The following SLC19A2 variants were observed in gnomAD, a reference collection of about 807,000 sequenced individuals.
SLC19A2 encodes solute carrier family 19 member 2, also known as thiamine transporter 1.
In SLC19A2, 27 loss-of-function variants were observed where a neutral mutation model predicts 44.7. The observed-to-expected ratio is 0.60, with a 90% confidence interval of 0.45 to 0.83. The LOEUF (loss-of-function observed/expected upper bound fraction) is 0.83, where lower values mean the gene tolerates loss of function less well. Ranked by LOEUF, SLC19A2 falls within the 40% of genes least tolerant of loss-of-function variation. The pLI is 0.00. For missense variants in SLC19A2, 566 were observed against 613.7 expected (o/e 0.92, Z 0.82); for synonymous variants, 239 against 243.6 (o/e 0.98, Z 0.18).
rs1657971805 is a variant in SLC19A2 at position 169,465,790 on chromosome 1, A to G, written c.*59T>C. On this transcript the variant is annotated 3_prime_UTR_variant, in exon 6 of 6. Transcript: ENST00000236137. ...ATGTCTACGCTTTAAAAAATCAAAC[A>G]CATCCAGGCAGTTGCTGTGCAGAGT... 6.3e-7 allele frequency: 1 copy of G among 1,593,224 alleles called. No homozygotes were observed. The highest frequency in any genetic ancestry group is 1.3e-5 in the African/African-American group (1 of 74,594).
chr1:169,472,067 C>T (rs556370687), intron 2 of SLC19A2, among the ~76,000 whole-genome samples: 87 of 152,288 alleles, frequency 5.7e-4, no homozygotes, highest in African/African-American at 2.0e-3. Flanking sequence ...CATAAGATAA[C>T]CACCTAGAAG....
chr1:169,468,790 TGACCA>T lies in SLC19A2; in HGVS notation c.1072_1076del (p.Trp358AsnfsTer26). ...GAGATAATGTCATTTCTCCCCAAGT[TGACCA>T]GGATATTTTTATATAACCAACTGCA... On this transcript the variant is annotated frameshift_variant, in exon 4 of 6. Transcript: ENST00000236137. LOFTEE classifies it high-confidence loss of function. 6.2e-7 allele frequency: 1 copy of T among 1,613,902 alleles called. No individual in the cohort carries two copies. The highest frequency in any genetic ancestry group is 8.5e-7 in the Non-Finnish European group (1 of 1,179,906).
intron 5 of SLC19A2, among the ~76,000 whole-genome samples, chr1:169,467,304 T>G (rs1369045657): frequency 2.0e-5 from 3 of 152,230 alleles, no homozygotes; most frequent in Non-Finnish European, 4.4e-5. Flanking sequence ...ACTCATCTTC[T>G]TCATGTCTAA....
At chr1:169,469,010 A>C in intron 3 of SLC19A2, 174 bp from the exon 4 acceptor site, 1 of 617,352 alleles carries the variant, frequency 1.6e-6, no homozygotes, top group Non-Finnish European at 2.8e-6. Flanking sequence ...TGATGGAATC[A>C]ATAAAATGGA....
At chr1:169,485,190 G>A (rs1408848802) in intron 1 of SLC19A2, among the ~76,000 whole-genome samples, 3 of 152,194 alleles carry the variant, frequency 2.0e-5, no homozygotes, top group African/African-American at 7.2e-5. Flanking sequence ...TTACTAAGCC[G>A]TGTCCAAAGT....
At chr1:169,476,703 G>C (rs1398295057) in intron 2 of SLC19A2, among the ~76,000 whole-genome samples, 1 of 152,070 alleles carries the variant, frequency 6.6e-6, no homozygotes, top group Non-Finnish European at 1.5e-5. Context: ...CTCAGCAATA[G>C]AGCAAGACTC....
At chr1:169,472,886 G>A (rs1287245418) in intron 2 of SLC19A2, among the ~76,000 whole-genome samples, 1 of 152,142 alleles carries the variant, frequency 6.6e-6, no homozygotes, top group Non-Finnish European at 1.5e-5. Context: ...TACAAACAAA[G>A]GTTTATTTCT....
At chr1:169,479,032 T>C (rs1323933466) in intron 1 of SLC19A2, among the ~76,000 whole-genome samples, 3 of 152,186 alleles carry the variant, frequency 2.0e-5, no homozygotes, top group Non-Finnish European at 4.4e-5. Flanking sequence ...TTTTTAAGGA[T>C]AGACCCCTAC....
chr1:169,485,605 G>C lies in SLC19A2; in HGVS notation c.162C>G (p.Thr54=). Residue 54 remains threonine, a synonymous_variant, in exon 1 of 6, where the codon ACC becomes ACG. Coordinates refer to ENST00000236137, the MANE Select transcript of SLC19A2 (RefSeq NM_006996.3). The part of the protein sequence containing the change: ...ASLRPSEPFL[T]PYLLGPDKNL... ...TCTTGTCCGGCCCCAGCAGGTACGG[G>C]GTCAGGAAGGGCTCGGACGGCCTGA... 1 of 1,581,672 alleles carries C rather than the reference G, an allele frequency of 6.3e-7. No individual in the cohort carries two copies. Among genetic ancestry groups the C allele is most frequent in the South Asian group, 1.2e-5 (1 of 86,682 alleles).
chr1:169,469,926 T>C (rs776341416), intron 3 of SLC19A2, 38 bp downstream of exon 3: 2 of 1,563,948 alleles, frequency 1.3e-6, no homozygotes, highest in Non-Finnish European at 1.8e-6. Context: ...GAGGAATCCC[T>C]CCCCCACCAC....
intron 2 of SLC19A2, among the ~76,000 whole-genome samples, chr1:169,473,344 C>G (rs1439334585): frequency 2.0e-5 from 3 of 152,038 alleles, no homozygotes; most frequent in African/African-American, 7.2e-5. Flanking sequence ...AAGCAACTCT[C>G]CTGCCTCAGC....
In SLC19A2 at chr1:169,485,807, TCTC is replaced by T; in HGVS notation, c.-44_-42del. 2.0e-6 allele frequency: 3 copies of T among 1,500,922 alleles called. No individual in the cohort carries two copies. Among genetic ancestry groups the T allele is most frequent in the Non-Finnish European group, 2.6e-6 (3 of 1,132,210 alleles). 93.0% of individuals were successfully genotyped at this position (1,500,922 alleles called of 1,614,324 possible). Reference sequence around the variant, plus strand: ...AGGGGACCCGGCCCGGCCCCTTCCTTCTCCTCCTCCGCCAACTGGAGTGAGGGT... The same window carrying T: ...AGGGGACCCGGCCCGGCCCCTTCCTTCTCCTCCGCCAACTGGAGTGAGGGT... On this transcript the variant is annotated 5_prime_UTR_variant, in exon 1 of 6. Coordinates refer to ENST00000236137, the MANE Select transcript of SLC19A2 (RefSeq NM_006996.3).
At chr1:169,468,001 T>A (rs1004126063) in intron 5 of SLC19A2, 110 bp downstream of exon 5, 1 of 1,102,208 alleles carries the variant, frequency 9.1e-7, no homozygotes, top group African/African-American at 1.5e-5. Flanking sequence ...ATGCTTTTAC[T>A]TTACATCTGT....
intron 2 of SLC19A2, among the ~76,000 whole-genome samples, chr1:169,472,436 C>A (rs1456043525): frequency 6.6e-6 from 1 of 152,244 alleles, no homozygotes; most frequent in East Asian, 1.9e-4. Context: ...CTACCATAAA[C>A]TGATAAGAAA....
In SLC19A2 at chr1:169,464,201, TAA is replaced by T. The variant is rs1657934984; in HGVS notation, c.*1646_*1647del. On this transcript the variant is annotated 3_prime_UTR_variant, in exon 6 of 6. Transcript: ENST00000236137. ...ATGAACAATTTGTACCACATTCCAT[TAA>T]AAAAAGATTTAATAAAATCCCTCAA... The T allele has an allele frequency of 6.6e-6, 1 of 152,482 alleles. No homozygotes were observed. 9.4% of individuals were successfully genotyped at this position (152,482 alleles called of 1,614,324 possible). A position where few individuals can be genotyped will look rare whatever the true frequency, so the allele number is the denominator to read the frequency against.
chr1:169,465,904 T>C lies in SLC19A2; in HGVS notation c.1439A>G (p.Lys480Arg), dbSNP rs566935756. ...TGGATCTTCCAGCTTTCTACATTTCTTCATAACACTGACTGCACCACTGGC... is the reference window on the plus strand; with the variant it reads ...TGGATCTTCCAGCTTTCTACATTTCCTCATAACACTGACTGCACCACTGGC... ...FLASGAVSVMKKCRKLEDPQS... is the reference protein window; with the variant it reads ...FLASGAVSVMRKCRKLEDPQS... Residue 480 changes from lysine (K) to arginine (R), a missense_variant, in exon 6 of 6, where the codon AAG (lysine) becomes AGG (arginine). By Grantham distance (26) the Lys-to-Arg change is conservative. Transcript: ENST00000236137. The C allele has an allele frequency of 6.2e-7, 1 of 1,614,130 alleles. No individual in the cohort carries two copies. The highest frequency in any genetic ancestry group is 2.2e-5 in the East Asian group (1 of 44,884).
Position 169,468,773 on chromosome 1 carries a change from G to A in SLC19A2, c.1094C>T (p.Thr365Ile), listed in dbSNP as rs760434789. The change falls in exon 4 of 6, where the codon ACA becomes ATA. Residue 365 changes from threonine (T) to isoleucine (I), a missense_variant. Physicochemically the swap from Thr to Ile is moderately conservative, Grantham distance 89. Coordinates refer to ENST00000236137, the MANE Select transcript of SLC19A2 (RefSeq NM_006996.3). ...AATCAGGAGAGAAAAGAGAGATAAT[G>A]TCATTTCTCCCCAAGTTGACCAGGA... Reference protein sequence around the residue: ...KISWSTWGEMTLSLFSLLIAA... With the variant: ...KISWSTWGEMILSLFSLLIAA... 1.2e-6 allele frequency: 2 copies of A among 1,613,624 alleles called. No homozygotes were observed. The highest frequency in any genetic ancestry group is 1.7e-6 in the Non-Finnish European group (2 of 1,179,654).
chr1:169,465,831 A>C lies in SLC19A2; in HGVS notation c.*18T>G, dbSNP rs1657973051. ...TGTGCAGAGTTCTTGCTATAAGAAG[A>C]AGCCCTTCAGCAGTATATTATGAAG... On this transcript the variant is annotated 3_prime_UTR_variant, in exon 6 of 6. Transcript: ENST00000236137. 1 of 1,613,210 alleles carries C rather than the reference A, an allele frequency of 6.2e-7. No homozygotes were observed. The highest frequency in any genetic ancestry group is 1.1e-5 in the South Asian group (1 of 91,078).
chr1:169,481,691 G>A (rs983129722), intron 1 of SLC19A2, among the ~76,000 whole-genome samples: 9 of 152,180 alleles, frequency 5.9e-5, no homozygotes, highest in Non-Finnish European at 1.2e-4. Flanking sequence ...TGCTATGTGA[G>A]CAACGGGAAT....
Sources: allele counts gnomAD v4.1 joint callset (sites outside exome capture counted in the v4.1 genomes callset), GRCh38; gene constraint gnomAD v4.1.1; transcripts MANE v1.5; gene names NCBI Gene and HGNC (gene_info 2026-07-23, HGNC 2026-07-21).